AZIN1: variants seen among roughly 807,000 people sequenced by gnomAD.
AZIN1 encodes antizyme inhibitor 1.
In AZIN1, 12 loss-of-function variants were observed where a neutral mutation model predicts 47.4. The ratio of observed to expected loss-of-function variants is 0.25; its 90% CI spans 0.16 to 0.41. AZIN1 has a LOEUF of 0.41. AZIN1 is among the 10% of genes least tolerant of loss of function. The probability of loss-of-function intolerance (pLI) is 1.00; values close to 1 mark genes in which losing one functional copy is unlikely to be tolerated. For missense variants in AZIN1, 410 were observed against 532.4 expected (o/e 0.77, Z 2.26); for synonymous variants, 155 against 176.3 (o/e 0.88, Z 0.96).
intron 3 of AZIN1, among the ~76,000 whole-genome samples, chr8:102,843,238 A>G (rs1812338149): frequency 6.6e-6 from 1 of 151,842 alleles, no homozygotes; most frequent in Non-Finnish European, 1.5e-5. Context: ...ATTGAGAAAA[A>G]TGAGTAAGAA....
At chr8:102,829,768 C>G in intron 10 of AZIN1, 53 bp downstream of exon 10, 1 of 1,313,682 alleles carries the variant, frequency 7.6e-7, no homozygotes, top group Non-Finnish European at 1.1e-6. Context: ...TTAAAAATAA[C>G]AGCTCAGCTT....
intron 5 of AZIN1, among the ~76,000 whole-genome samples, chr8:102,838,345 C>T (rs1298148867): frequency 6.6e-6 from 1 of 152,108 alleles, no homozygotes; most frequent in Non-Finnish European, 1.5e-5. Context: ...AGAACTATGG[C>T]CTAGGGTAGA....
chr8:102,836,123 T>G lies in AZIN1; in HGVS notation c.584+133A>C. 5.2e-6 allele frequency: 5 copies of G among 959,592 alleles called. 1 individual carries two copies. Among genetic ancestry groups the G allele is most frequent in the East Asian group, 2.5e-5 (1 of 40,322 alleles). 59.4% of individuals were successfully genotyped at this position (959,592 alleles called of 1,614,324 possible). A position where few individuals can be genotyped will look rare whatever the true frequency, so the allele number is the denominator to read the frequency against. On this transcript the variant is annotated intron_variant, in intron 6 of 11. Transcript: ENST00000337198. ...TTGCCTAAACTAAGAAGAAAACACA[T>G]ACATGTGTGTTAAAAGACTAGAAAA...
At chr8:102,844,041 T>C (rs1812394801) in intron 2 of AZIN1, among the ~76,000 whole-genome samples, 1 of 152,262 alleles carries the variant, frequency 6.6e-6, no homozygotes, top group Admixed American at 6.5e-5. Context: ...CAATCTGTAT[T>C]ATTATCTTGT....
chr8:102,858,413 A>G (rs888300559), intron 1 of AZIN1, among the ~76,000 whole-genome samples: 2 of 152,214 alleles, frequency 1.3e-5, no homozygotes, highest in African/African-American at 4.8e-5. Context: ...CTCAAGAGTT[A>G]CCAGCCTTCA....
chr8:102,860,325 C>T (rs1362734875), intron 1 of AZIN1, among the ~76,000 whole-genome samples: 2 of 152,082 alleles, frequency 1.3e-5, no homozygotes, highest in Non-Finnish European at 2.9e-5. Context: ...TGCAGTGGCG[C>T]GATCTTGGCT....
chr8:102,830,897 G>A (rs985343367), intron 9 of AZIN1, among the ~76,000 whole-genome samples: 5 of 152,192 alleles, frequency 3.3e-5, no homozygotes, highest in African/African-American at 1.2e-4. Flanking sequence ...AGGCTACAGT[G>A]CAGTAGCGTG....
chr8:102,862,827 T>C (rs573798056), intron 1 of AZIN1, among the ~76,000 whole-genome samples: 11 of 152,320 alleles, frequency 7.2e-5, no homozygotes, highest in Non-Finnish European at 1.6e-4. Flanking sequence ...GTAAACTGTG[T>C]CCCCGACTGT....
rs1406095523 is a variant in AZIN1, at chr8:102,828,268, A to G, written c.*299T>C. ...ATGTAAACGATTTAATGGGGAACCCAATTAATGGGCTTCCATCTCCACTAA... is the reference window on the plus strand; with the variant it reads ...ATGTAAACGATTTAATGGGGAACCCGATTAATGGGCTTCCATCTCCACTAA... On this transcript the variant is annotated 3_prime_UTR_variant, in exon 12 of 12. Transcript: ENST00000337198. The G allele has an allele frequency of 4.7e-6, 1 of 211,226 alleles. No homozygotes were observed. Among genetic ancestry groups the G allele is most frequent in the African/African-American group, 2.3e-5 (1 of 43,648 alleles). The allele number at this position is 211,226 out of a possible 1,614,324, so 13.1% of individuals were successfully genotyped here.
intron 2 of AZIN1, among the ~76,000 whole-genome samples, chr8:102,853,124 A>T (rs1813025103): frequency 6.6e-6 from 1 of 152,278 alleles, no homozygotes; most frequent in Admixed American, 6.5e-5. Context: ...GAAGACTGTG[A>T]TGGAACACAC....
intron 2 of AZIN1, among the ~76,000 whole-genome samples, chr8:102,856,970 A>G (rs537787049): frequency 6.6e-6 from 1 of 152,284 alleles, no homozygotes; most frequent in South Asian, 2.1e-4. Flanking sequence ...TAATACACTC[A>G]AAAAAAGAAA....
intron 11 of AZIN1, 104 bp downstream of exon 11, chr8:102,829,168 G>T: frequency 1.0e-6 from 1 of 996,880 alleles, no homozygotes; most frequent in Non-Finnish European, 1.5e-6. Flanking sequence ...GGCAATACAT[G>T]ACTGTACTTC....
chr8:102,847,367 AAAC>A (rs749393852), intron 2 of AZIN1, among the ~76,000 whole-genome samples: 6,980 of 146,932 alleles, frequency 0.048, 249 homozygotes, highest in South Asian at 0.18. Flanking sequence ...AAAAAAAAAA[AAAC>A]AATAAAGCTC....
intron 6 of AZIN1, chr8:102,835,111 A>G: frequency 6.0e-6 from 1 of 165,770 alleles, no homozygotes; most frequent in South Asian, 1.8e-4. Flanking sequence ...GTTGAGCATA[A>G]AACTGAACAT....
At chr8:102,863,350 C>T (rs1243623911) in intron 1 of AZIN1, among the ~76,000 whole-genome samples, 2 of 150,544 alleles carry the variant, frequency 1.3e-5, no homozygotes, top group African/African-American at 4.9e-5. Context: ...CGCCGGGCTT[C>T]GGGAGGCAAA....
intron 4 of AZIN1, 92 bp from the exon 5 acceptor site, chr8:102,839,008 A>T: frequency 8.8e-7 from 1 of 1,138,962 alleles, no homozygotes; most frequent in African/African-American, 1.6e-5. Context: ...ACCCCTTTTA[A>T]AACCAGGGTC....
At position 102,828,563 on chromosome 8, in the gene AZIN1, C is replaced by T. The variant is rs763618651; in HGVS notation, c.*4G>A. Reference sequence around the variant, plus strand: ...TTCAGATCTAAAGAAGCGTTAATGCCTGTTTAAGCTTCAGCGGAAAAGCTG... The same window carrying T: ...TTCAGATCTAAAGAAGCGTTAATGCTTGTTTAAGCTTCAGCGGAAAAGCTG... On this transcript the variant is annotated 3_prime_UTR_variant, in exon 12 of 12. Transcript: ENST00000337198. 1.3e-6 allele frequency: 2 copies of T among 1,590,948 alleles called. No individual in the cohort carries two copies. Among genetic ancestry groups the T allele is most frequent in the Non-Finnish European group, 1.7e-6 (2 of 1,161,984 alleles).
At chr8:102,848,851 C>T (rs1254284973) in intron 2 of AZIN1, among the ~76,000 whole-genome samples, 2 of 152,074 alleles carry the variant, frequency 1.3e-5, no homozygotes, top group Non-Finnish European at 1.5e-5. Flanking sequence ...TTTGCCAAAA[C>T]GTTTTCAGGA....
At chr8:102,836,935 C>A (rs1365847278) in intron 5 of AZIN1, among the ~76,000 whole-genome samples, 1 of 151,856 alleles carries the variant, frequency 6.6e-6, no homozygotes, top group South Asian at 2.1e-4. Context: ...GATGGAGTTT[C>A]ACTCTGTCGC....
Sources: gnomAD v4.1 joint callset for allele counts (sites outside exome capture counted in the v4.1 genomes callset) on GRCh38, gnomAD v4.1.1 for gene constraint, MANE v1.5 for transcripts, NCBI Gene and HGNC (gene_info 2026-07-23, HGNC 2026-07-21) for gene names.